The following WWTR1 variants were observed in gnomAD, a reference collection of about 807,000 sequenced individuals.
WWTR1 encodes WW domain containing transcription regulator 1, also known as WW domain-containing transcription regulator protein 1.
A neutral mutation model predicts 40.1 loss-of-function variants in WWTR1; 13 were observed. That is an observed-to-expected ratio of 0.32 (90% confidence interval 0.21 to 0.52). WWTR1 has a LOEUF of 0.52. Among genes scored for constraint, WWTR1 ranks in the 20% least tolerant of loss-of-function variants. The pLI, the probability that WWTR1 is intolerant of heterozygous loss-of-function variation, is 0.97. For synonymous variants in WWTR1, 230 were observed against 210.1 expected (o/e 1.09, Z -0.82); for missense variants, 436 against 523.1 (o/e 0.83, Z 1.63).
intron 3 of WWTR1, among the ~76,000 whole-genome samples, chr3:149,569,178 T>C (rs1737507133): frequency 6.6e-6 from 1 of 152,198 alleles, no homozygotes; most frequent in South Asian, 2.1e-4. Flanking sequence ...AATGAATACA[T>C]TGTTCCTAAT....
intron 3 of WWTR1, among the ~76,000 whole-genome samples, chr3:149,545,971 C>T (rs948745550): frequency 1.3e-5 from 2 of 152,234 alleles, no homozygotes; most frequent in African/African-American, 4.8e-5. Flanking sequence ...GGCGTACTCT[C>T]AAGCAGTGTA....
At chr3:149,634,219 G>A (rs912686649) in intron 2 of WWTR1, among the ~76,000 whole-genome samples, 3 of 152,278 alleles carry the variant, frequency 2.0e-5, no homozygotes, top group Non-Finnish European at 2.9e-5. Context: ...ACTAGTGTGC[G>A]GCTTTGGTCA....
chr3:149,675,064 T>C (rs7619382), intron 1 of WWTR1, among the ~76,000 whole-genome samples: 91,475 of 152,086 alleles, frequency 0.6, 27,663 homozygotes, highest in East Asian at 0.68. Flanking sequence ...TGGACTAAGA[T>C]GGTAGAAGGA....
At chr3:149,622,492 AG>A (rs1167056806) in intron 2 of WWTR1, among the ~76,000 whole-genome samples, 2,314 of 138,350 alleles carry the variant, frequency 0.017, 58 homozygotes, top group African/African-American at 0.057. Context: ...GAAGGAAGGA[AG>A]GAAGGAAGGA....
chr3:149,656,764 T>TCTC lies in WWTR1; in HGVS notation c.431+111_431+112insGAG, dbSNP rs1560106326. ...GGAAGGACACGCACCATCTCTCTCT[T>TCTC]TCTCTCTCTCTCTCTCTCTCTCTCT... is the stretch of plus-strand genomic sequence containing the variant. On this transcript the variant is annotated intron_variant, in intron 2 of 6. Transcript: ENST00000360632. 298 of 468,544 alleles carry TCTC rather than the reference T, an allele frequency of 6.4e-4. No individual in the cohort carries two copies. In the African/African-American group the frequency reaches 9.1e-3, roughly 14 times the overall value. 29.0% of individuals were successfully genotyped at this position (468,544 alleles called of 1,614,324 possible).
At chr3:149,600,183 C>CG in intron 2 of WWTR1, among the ~76,000 whole-genome samples, 1 of 151,882 alleles carries the variant, frequency 6.6e-6, no homozygotes. Flanking sequence ...CAATCCTTTC[C>CG]GGACACCAAG....
rs1172194653 is a variant in WWTR1 at position 149,582,678 on chromosome 3, C to T, written c.432-9678G>A. Among the ~76,000 whole-genome samples the T allele has an allele frequency of 2.6e-5, 4 of 151,904 alleles. No homozygotes were observed. In the East Asian group the frequency reaches 7.7e-4, roughly 29 times the overall value. On this transcript the variant is annotated intron_variant, in intron 2 of 6. Coordinates refer to ENST00000360632, the MANE Select transcript of WWTR1 (RefSeq NM_015472.6). ...CTGGGAGGTCGAGGCTGCAGTGAGC[C>T]GTGATCATACCACTGCACCCCAGTG...
chr3:149,656,628 T>C (rs890162861), intron 2 of WWTR1, among the ~76,000 whole-genome samples: 1 of 152,174 alleles, frequency 6.6e-6, no homozygotes, highest in Non-Finnish European at 1.5e-5. Context: ...GTGTGTTTTA[T>C]GGTGGATGAA....
chr3:149,702,510 T>C (rs2108224996), intron 1 of WWTR1: 2 of 150,958 alleles, frequency 1.3e-5, no homozygotes, highest in East Asian at 3.9e-4. Context: ...TTCAACATGG[T>C]TGTAATAATA....
chr3:149,606,426 C>T (rs1161092899), intron 2 of WWTR1, among the ~76,000 whole-genome samples: 3 of 152,102 alleles, frequency 2.0e-5, no homozygotes, highest in Non-Finnish European at 2.9e-5. Flanking sequence ...CCAGCATTTC[C>T]TCAAATAGTA....
intron 4 of WWTR1, among the ~76,000 whole-genome samples, chr3:149,533,024 C>T (rs991256830): frequency 6.6e-6 from 1 of 152,212 alleles, no homozygotes; most frequent in Non-Finnish European, 1.5e-5. Context: ...TCCTCTGCTC[C>T]CTCTAGTCGA....
chr3:149,529,508 ATACT>A (rs1458887600), intron 4 of WWTR1, among the ~76,000 whole-genome samples: 5 of 152,356 alleles, frequency 3.3e-5, no homozygotes, highest in African/African-American at 1.2e-4. Flanking sequence ...AAATAATCAA[ATACT>A]TAACTAACAA....
chr3:149,597,799 T>G (rs1404536996), intron 2 of WWTR1, among the ~76,000 whole-genome samples: 1 of 152,224 alleles, frequency 6.6e-6, no homozygotes, highest in Non-Finnish European at 1.5e-5. Context: ...GCACTTTACT[T>G]CGTGCCACTG....
At chr3:149,570,103 AAATT>A (rs1737547232) in intron 3 of WWTR1, among the ~76,000 whole-genome samples, 1 of 152,262 alleles carries the variant, frequency 6.6e-6, no homozygotes, top group African/African-American at 2.4e-5. Context: ...GAGACTCTCT[AAATT>A]AAGTCCTGGT....
intron 2 of WWTR1, among the ~76,000 whole-genome samples, chr3:149,607,566 G>A (rs1261027623): frequency 3.3e-5 from 5 of 152,030 alleles, no homozygotes; most frequent in African/African-American, 4.8e-5. Context: ...CGCCCGCCTC[G>A]GCCTCCCAAA....
At chr3:149,710,576 C>CT (rs1380993625) in intron 5 of WWTR1, among the ~76,000 whole-genome samples, 1 of 80,730 alleles carries the variant, frequency 1.2e-5, no homozygotes, top group African/African-American at 4.8e-5. Context: ...CGCCTCCCCC[C>CT]CCCCCCTTTT....
intron 3 of WWTR1, among the ~76,000 whole-genome samples, chr3:149,546,906 G>A (rs1398028695): frequency 1.3e-5 from 2 of 152,062 alleles, no homozygotes; most frequent in Non-Finnish European, 2.9e-5. Context: ...TCATAAAACC[G>A]GTCGGTATCC....
upstream of WWTR1, among the ~76,000 whole-genome samples, chr3:149,662,451 A>G (rs565836771): frequency 1.4e-4 from 22 of 152,268 alleles, no homozygotes; most frequent in African/African-American, 5.1e-4. Flanking sequence ...TCCTCCCCAC[A>G]ACACACTTCC....
At chr3:149,628,501 C>T in intron 2 of WWTR1, among the ~76,000 whole-genome samples, 1 of 152,208 alleles carries the variant, frequency 6.6e-6, no homozygotes, top group Non-Finnish European at 1.5e-5. Flanking sequence ...AATTTTGGCT[C>T]TTGGTATTGT....
Sources: allele counts gnomAD v4.1 joint callset (sites outside exome capture counted in the v4.1 genomes callset), GRCh38; gene constraint gnomAD v4.1.1; transcripts MANE v1.5; gene names NCBI Gene and HGNC (gene_info 2026-07-23, HGNC 2026-07-21).